BLNK: variants seen among roughly 807,000 people sequenced by gnomAD.
BLNK encodes B cell linker.
BLNK carries 29 observed loss-of-function variants against 73.5 expected under a neutral mutation model. The observed-to-expected ratio is 0.39, with a 90% CI of 0.29 to 0.54. BLNK has a LOEUF of 0.54. Ranked by LOEUF, BLNK falls within the 20% of genes least tolerant of loss-of-function variation. The probability of loss-of-function intolerance (pLI) is 0.61; values close to 1 mark genes in which losing one functional copy is unlikely to be tolerated. For missense variants in BLNK, 460 were observed against 562.8 expected (o/e 0.82, Z 1.85); for synonymous variants, 176 against 200.8 (o/e 0.88, Z 1.04).
chr10:96,224,104 G>C, intron 5 of BLNK, 115 bp from the exon 6 acceptor site: 1 of 1,187,212 alleles, frequency 8.4e-7, no homozygotes, highest in Non-Finnish European at 1.2e-6. Context: ...AGCCACAAAT[G>C]ATCCACGGGG....
intron 12 of BLNK, 102 bp downstream of exon 12, chr10:96,204,430 T>C (rs2133965052): frequency 1.5e-6 from 2 of 1,299,742 alleles, no homozygotes; most frequent in East Asian, 4.6e-5. Context: ...GTTGGATTTT[T>C]ACCTAGCACT....
chr10:96,265,396 G>A (rs1341143165), intron 1 of BLNK, among the ~76,000 whole-genome samples: 1 of 152,114 alleles, frequency 6.6e-6, no homozygotes, highest in African/African-American at 2.4e-5. Flanking sequence ...GATTTGCTCA[G>A]TCTACTTGAA....
At chr10:96,198,343 C>CA (rs1269558910) in intron 15 of BLNK, among the ~76,000 whole-genome samples, 1 of 152,154 alleles carries the variant, frequency 6.6e-6, no homozygotes, top group Non-Finnish European at 1.5e-5. Context: ...GGGAACAGAA[C>CA]AACCCTTTAA....
At chr10:96,204,142 T>A in intron 12 of BLNK, 54 bp from the exon 13 acceptor site, 6 of 1,593,966 alleles carry the variant, frequency 3.8e-6, no homozygotes, top group Non-Finnish European at 5.2e-6. Flanking sequence ...TGAGTAAGTT[T>A]GACTTTTTGT....
At position 96,189,263 on chromosome 10, in the gene BLNK, A is replaced by T. The variant is rs1296206211; in HGVS notation, c.*2710T>A. 1.5e-5 allele frequency: 6 copies of T among 405,802 alleles called. No individual in the cohort carries two copies. The highest frequency in any genetic ancestry group is 8.0e-4 in the Middle Eastern group (1 of 1,254). 25.1% of individuals were successfully genotyped at this position (405,802 alleles called of 1,614,324 possible). On this transcript the variant is annotated 3_prime_UTR_variant, in exon 17 of 17. Coordinates refer to ENST00000224337, the MANE Select transcript of BLNK (RefSeq NM_013314.4). ...AACATTTATTAAACACAGTAGGGAA[A>T]GTTCTCACTCTGCATTATAGAAAGG...
rs587667940 is a variant in BLNK at position 96,223,771 on chromosome 10, G to A, written c.525+55C>T. 7 of 1,602,528 alleles carry A rather than the reference G, an allele frequency of 4.4e-6. No individual in the cohort carries two copies. The African/African-American group carries it at 5.4e-5, about 12-fold the overall frequency. On this transcript the variant is annotated intron_variant, in intron 6 of 16. Coordinates refer to ENST00000224337, the MANE Select transcript of BLNK (RefSeq NM_013314.4). Reference sequence around the variant, plus strand: ...AGCCAGCGGGCAGGCTGTCCTGGTCGCTTGCCCCACCCCCCTCTGTGTCCT... The same window carrying A: ...AGCCAGCGGGCAGGCTGTCCTGGTCACTTGCCCCACCCCCCTCTGTGTCCT...
chr10:96,271,461 C>T lies in BLNK; in HGVS notation c.-63G>A. The stretch of plus-strand genomic sequence containing the variant: ...AGTGGTCACGTCAGCAGTTCCTGGC[C>T]CTCCTAGGGAGCAGCATGGTAAGCC... On this transcript the variant is annotated 5_prime_UTR_variant, in exon 1 of 17. Transcript: ENST00000224337. 1 of 1,547,874 alleles carries T rather than the reference C, an allele frequency of 6.5e-7. No homozygotes were observed. The highest frequency in any genetic ancestry group is 8.9e-7 in the Non-Finnish European group (1 of 1,120,032).
chr10:96,213,224 T>C (rs1458206243), intron 8 of BLNK, among the ~76,000 whole-genome samples: 1 of 152,150 alleles, frequency 6.6e-6, no homozygotes, highest in Admixed American at 6.5e-5. Flanking sequence ...GAAACAGCTG[T>C]GAGCAAATAA....
rs1301850552 is a variant in BLNK at position 96,207,004 on chromosome 10, AT to A, written c.817+6del. ...ACATGCTCATCCTTCAAAATAATAG[AT>A]TTTACCTTCACAAACACTTGAAGCA... On this transcript the variant is annotated splice_donor_region_variant and intron_variant, in intron 11 of 16. Coordinates refer to ENST00000224337, the MANE Select transcript of BLNK (RefSeq NM_013314.4). 1 of 1,613,636 alleles carries A rather than the reference AT, an allele frequency of 6.2e-7. No individual in the cohort carries two copies. Among genetic ancestry groups the A allele is most frequent in the Non-Finnish European group, 8.5e-7 (1 of 1,179,680 alleles).
At chr10:96,217,016 T>A (rs782808441) in intron 6 of BLNK, among the ~76,000 whole-genome samples, 8 of 152,182 alleles carry the variant, frequency 5.3e-5, no homozygotes, top group Non-Finnish European at 1.0e-4. Flanking sequence ...AAATCTACTT[T>A]CTTTCTCTAT....
chr10:96,194,768 A>ATTTTTTT (rs71034364), intron 16 of BLNK, among the ~76,000 whole-genome samples: 6,337 of 110,048 alleles, frequency 0.058, 463 homozygotes, highest in Admixed American at 0.079. Context: ...AGAAATGCAA[A>ATTTTTTT]TTTTTTTTTT....
intron 2 of BLNK, 42 bp downstream of exon 2, chr10:96,246,935 ATGTTGAC>A (rs782053087): frequency 7.2e-7 from 1 of 1,385,054 alleles, no homozygotes; most frequent in Non-Finnish European, 1.0e-6. Flanking sequence ...CATGTAGCAC[ATGTTGAC>A]TTATTTTATA....
chr10:96,208,722 G>A (rs975499774), intron 9 of BLNK, among the ~76,000 whole-genome samples: 3 of 152,208 alleles, frequency 2.0e-5, no homozygotes, highest in Non-Finnish European at 4.4e-5. Context: ...GAGCTGAAGT[G>A]TGGGGGAAGA....
At position 96,204,070 on chromosome 10, in the gene BLNK, G is replaced by T; in HGVS notation, c.921C>A (p.Pro307=). Residue 307 remains proline, a synonymous_variant, in exon 13 of 17, where the codon CCC becomes CCA. Coordinates refer to ENST00000224337, the MANE Select transcript of BLNK (RefSeq NM_013314.4). The stretch of plus-strand genomic sequence containing the variant: ...CGTTGTACTTACTTGGCAGAGGTAT[G>T]GGTTTTTGGTGGATTTGTCTGCAAG... ...PPAQKQIHQK[P]IPLPRFTEGG... is the part of the protein sequence containing the mutation. 1 of 1,613,776 alleles carries T rather than the reference G, an allele frequency of 6.2e-7. No individual in the cohort carries two copies. The highest frequency in any genetic ancestry group is 1.1e-5 in the South Asian group (1 of 91,046).
chr10:96,231,170 G>C (rs587623510), intron 3 of BLNK, among the ~76,000 whole-genome samples: 1 of 152,252 alleles, frequency 6.6e-6, no homozygotes, highest in African/African-American at 2.4e-5. Context: ...GGCGTAGTAG[G>C]AACAGCACAG....
chr10:96,242,555 TA>T (rs1244643257), intron 3 of BLNK, among the ~76,000 whole-genome samples, 179 bp downstream of exon 3: 43 of 152,160 alleles, frequency 2.8e-4, no homozygotes, highest in Admixed American at 7.9e-4. Context: ...GATGGATGGA[TA>T]AAAAAACTAC....
intron 1 of BLNK, among the ~76,000 whole-genome samples, chr10:96,263,261 C>T (rs79172683): frequency 0.02 from 3,014 of 152,312 alleles, 95 homozygotes; most frequent in African/African-American, 0.068. Flanking sequence ...GACTGTATGG[C>T]CACACGCCCA....
intron 3 of BLNK, among the ~76,000 whole-genome samples, chr10:96,232,563 A>G (rs1842542557): frequency 6.6e-6 from 1 of 152,202 alleles, no homozygotes; most frequent in South Asian, 2.1e-4. Flanking sequence ...CAATGGCGGC[A>G]GCAGCACCCT....
At chr10:96,248,387 A>G (rs1176132226) in intron 1 of BLNK, among the ~76,000 whole-genome samples, 3 of 152,254 alleles carry the variant, frequency 2.0e-5, no homozygotes, top group Non-Finnish European at 4.4e-5. Context: ...CAATAGACCA[A>G]TGAAAAGATA....
Sources: allele counts gnomAD v4.1 joint callset (sites outside exome capture counted in the v4.1 genomes callset), GRCh38; gene constraint gnomAD v4.1.1; transcripts MANE v1.5; gene names NCBI Gene and HGNC (gene_info 2026-07-23, HGNC 2026-07-21).